Variants in THUMPD1 observed in about 807,000 individuals in gnomAD.
The protein encoded by THUMPD1 is THUMP domain-containing protein 1.
Under a neutral mutation model 31.6 loss-of-function variants are expected in THUMPD1, and 31 were observed. The observed-to-expected ratio is 0.98, with a 90% CI of 0.74 to 1.32. The LOEUF is 1.32. Among genes scored for constraint, THUMPD1 ranks in the 40% most tolerant of loss-of-function variants. The pLI is 0.00. For missense variants in THUMPD1, 446 were observed against 427.8 expected, an observed-to-expected ratio of 1.04 and a Z score of -0.38; for synonymous variants, 166 against 158.2, an observed-to-expected ratio of 1.05 and a Z score of -0.37.
chr16:20,740,086 C>G (rs908486095), intron 1 of THUMPD1, among the ~76,000 whole-genome samples: 2 of 152,112 alleles, frequency 1.3e-5, no homozygotes, highest in African/African-American at 4.8e-5. Context: ...GAACAAGGCA[C>G]AGAAATACAT....
rs2079856512 is a variant in THUMPD1, at chr16:20,734,929, G to C, written c.*1951C>G. The C allele has an allele frequency of 6.6e-6, 1 of 152,198 alleles. No homozygotes were observed. Among genetic ancestry groups the C allele is most frequent in the Non-Finnish European group, 1.5e-5 (1 of 68,060 alleles). The allele number at this position is 152,198 out of a possible 1,614,324, so 9.4% of individuals were successfully genotyped here. On this transcript the variant is annotated 3_prime_UTR_variant, in exon 4 of 4. Transcript: ENST00000396083. ...AGGGTTCCTCATAGGTTATATACTA[G>C]TGCTGGGAAAAGGAGAGAAAATGCT...
rs1165760180 is a variant in THUMPD1 at position 20,741,526 on chromosome 16, T to C, written c.214A>G (p.Met72Val). 8 of 1,145,076 alleles carry C rather than the reference T, an allele frequency of 7.0e-6. No homozygotes were observed. Among genetic ancestry groups the C allele is most frequent in the East Asian group, 6.1e-5 (1 of 16,276 alleles). The allele number at this position is 1,145,076 out of a possible 1,614,324, so 70.9% of individuals were successfully genotyped here. A position where few individuals can be genotyped will look rare whatever the true frequency, so the allele number is the denominator to read the frequency against. The change falls in exon 1 of 4, where the codon ATG becomes GTG. Residue 72 changes from methionine (M) to valine (V), a missense_variant. Transcript: ENST00000396083. The stretch of plus-strand genomic sequence containing the variant: ...ACCGGTACCTTTTCTGGCCCATACA[T>C]GTCGTCGCCGTATTCGTTGAGGAGG... ...YSLLNEYGDD[M>V]YGPEKFTDKD...
rs2079867755 is a variant in THUMPD1 at position 20,736,232 on chromosome 16, G to A, written c.*648C>T. On this transcript the variant is annotated 3_prime_UTR_variant, in exon 4 of 4. Coordinates refer to ENST00000396083, the MANE Select transcript of THUMPD1 (RefSeq NM_017736.5). ...GTGTCCCTTGTTGCACTAGTATACT[G>A]AAGTATACTCAGAAGACTGAAGTTC... 1 of 152,160 alleles carries A rather than the reference G, an allele frequency of 6.6e-6. No individual in the cohort carries two copies. Among genetic ancestry groups the A allele is most frequent in the Non-Finnish European group, 1.5e-5 (1 of 68,100 alleles). The allele number at this position is 152,160 out of a possible 1,614,324, so 9.4% of individuals were successfully genotyped here. A position where few individuals can be genotyped will look rare whatever the true frequency, so the allele number is the denominator to read the frequency against.
chr16:20,734,094 G>A lies in THUMPD1; in HGVS notation c.*2786C>T, dbSNP rs1183192654. The A allele has an allele frequency of 6.6e-6, 1 of 150,446 alleles. No individual in the cohort carries two copies. Among genetic ancestry groups the A allele is most frequent in the East Asian group, 2.0e-4 (1 of 5,062 alleles). 9.3% of individuals were successfully genotyped at this position (150,446 alleles called of 1,614,324 possible). A position where few individuals can be genotyped will look rare whatever the true frequency, so the allele number is the denominator to read the frequency against. ...GGAAAGAACAGCTTGTGTAACAACC[G>A]ATTCTTACCAAATACAAATAAATAT... is the stretch of plus-strand genomic sequence containing the variant. On this transcript the variant is annotated 3_prime_UTR_variant, in exon 4 of 4. Transcript: ENST00000396083.
In THUMPD1 at chr16:20,739,829, T is replaced by TA. The variant is rs66818518; in HGVS notation, c.232-759dup. Among the ~76,000 whole-genome samples, 1,316 of 140,076 alleles carry TA rather than the reference T, an allele frequency of 9.4e-3. 12 individuals are homozygous for TA. The highest frequency in any genetic ancestry group is 0.022 in the African/African-American group (793 of 36,830). The allele number at this position is 140,076 out of a possible 152,430, so 91.9% of individuals were successfully genotyped here. A position where few individuals can be genotyped will look rare whatever the true frequency, so the allele number is the denominator to read the frequency against. On this transcript the variant is annotated intron_variant, in intron 1 of 3. Transcript: ENST00000396083. ...GAGCAAGACTCTGTCTCAAAAAAAT[T>TA]AAAAAAAAAAAAAAAATGTGGAGGA...
rs2079861373 is a variant in THUMPD1, at chr16:20,735,491, T to G, written c.*1389A>C. The G allele has an allele frequency of 6.6e-6, 1 of 151,976 alleles. No individual in the cohort carries two copies. Among genetic ancestry groups the G allele is most frequent in the Admixed American group, 6.6e-5 (1 of 15,264 alleles). The allele number at this position is 151,976 out of a possible 1,614,324, so 9.4% of individuals were successfully genotyped here. On this transcript the variant is annotated 3_prime_UTR_variant, in exon 4 of 4. Coordinates refer to ENST00000396083, the MANE Select transcript of THUMPD1 (RefSeq NM_017736.5). ...CAAGTTTTTGATATCAGCATCTCTGTGGAGAAAGCAGTGTGCTATAATGTC... is the reference window on the plus strand; with the variant it reads ...CAAGTTTTTGATATCAGCATCTCTGGGGAGAAAGCAGTGTGCTATAATGTC...
In THUMPD1 at chr16:20,741,816, G is replaced by A. The variant is rs996033081; in HGVS notation, c.-77C>T. On this transcript the variant is annotated 5_prime_UTR_variant, in exon 1 of 4. Transcript: ENST00000396083. ...TCCTCGTCTATCGCCGGCGCGAACTGGTGACGTCGGATATGAGCGACGGCC... is the reference window on the plus strand; with the variant it reads ...TCCTCGTCTATCGCCGGCGCGAACTAGTGACGTCGGATATGAGCGACGGCC... The A allele has an allele frequency of 3.2e-5, 50 of 1,542,086 alleles. No individual in the cohort carries two copies. The highest frequency in any genetic ancestry group is 3.9e-5 in the Non-Finnish European group (45 of 1,146,842).
chr16:20,739,041 T>C lies in THUMPD1; in HGVS notation c.262A>G (p.Ser88Gly), dbSNP rs530989701. 6.2e-7 allele frequency: 1 copy of C among 1,614,184 alleles called. No individual in the cohort carries two copies. Among genetic ancestry groups the C allele is most frequent in the African/African-American group, 1.3e-5 (1 of 75,048 alleles). Residue 88 changes from serine to glycine, a missense_variant, in exon 2 of 4, where the codon AGT (serine) becomes GGT (glycine). Physicochemically the swap from Ser to Gly is moderately conservative, Grantham distance 56. Coordinates refer to ENST00000396083, the MANE Select transcript of THUMPD1 (RefSeq NM_017736.5). ...TCCGCATCATCATCCTCTCCCTCACTTCCAGAGGGCTGCTGATCCTTGTCT... is the reference window on the plus strand; with the variant it reads ...TCCGCATCATCATCCTCTCCCTCACCTCCAGAGGGCTGCTGATCCTTGTCT... ...FTDKDQQPSGSEGEDDDAEAA... is the reference protein window; with the variant it reads ...FTDKDQQPSGGEGEDDDAEAA...
At position 20,737,962 on chromosome 16, in the gene THUMPD1, G is replaced by GAA. The variant is rs751523219; in HGVS notation, c.407-8_407-7dup. ...ATGCACCAATTTCTCAGGCTCTTAAGAAAAAAAAAAAGTTAAGAAGATAAT... is the reference window on the plus strand; with the variant it reads ...ATGCACCAATTTCTCAGGCTCTTAAGAAAAAAAAAAAAAGTTAAGAAGATAAT... On this transcript the variant is annotated splice_region_variant and splice_polypyrimidine_tract_variant and intron_variant, in intron 2 of 3. Transcript: ENST00000396083. The GAA allele has an allele frequency of 7.9e-5, 99 of 1,251,338 alleles. No homozygotes were observed. Among genetic ancestry groups the GAA allele is most frequent in the South Asian group, 2.6e-4 (16 of 62,308 alleles). 77.5% of individuals were successfully genotyped at this position (1,251,338 alleles called of 1,614,324 possible). A position where few individuals can be genotyped will look rare whatever the true frequency, so the allele number is the denominator to read the frequency against.
Position 20,737,040 on chromosome 16 carries a change from G to A in THUMPD1, c.902C>T (p.Ala301Val). ...TACCTGCTGGTTATTTTTTCCTTCT[G>A]CTGTGTTGTTTTGGTCTGATTTGTC... ...SADKSDQNNT[A>V]EGKNNQQVPE... Residue 301 changes from alanine (A) to valine (V), a missense_variant, in exon 4 of 4, where the codon GCA (alanine) becomes GTA (valine). Ala to Val is a moderately conservative substitution (Grantham distance 64). Transcript: ENST00000396083. The A allele has an allele frequency of 6.2e-7, 1 of 1,614,028 alleles. No individual in the cohort carries two copies. The highest frequency in any genetic ancestry group is 8.5e-7 in the Non-Finnish European group (1 of 1,179,998).
At chr16:20,739,641 T>C (rs1177037584) in intron 1 of THUMPD1, among the ~76,000 whole-genome samples, 2 of 151,718 alleles carry the variant, frequency 1.3e-5, no homozygotes, top group Admixed American at 6.6e-5. Flanking sequence ...GCCAACATGG[T>C]GAAACCTTGT....
intron 1 of THUMPD1, among the ~76,000 whole-genome samples, chr16:20,739,492 C>CT (rs756683881): frequency 2.0e-5 from 3 of 152,004 alleles, no homozygotes; most frequent in East Asian, 3.9e-4. Flanking sequence ...GATAATAAAG[C>CT]TTTTTTTACG....
At position 20,734,330 on chromosome 16, in the gene THUMPD1, A is replaced by G. The variant is rs1460272800; in HGVS notation, c.*2550T>C. ...AAGGCACCAAAATCCTATCCTCCCT[A>G]TTCCCCTAACTGATATTAATAATCC... On this transcript the variant is annotated 3_prime_UTR_variant, in exon 4 of 4. Transcript: ENST00000396083. 6.6e-6 allele frequency: 1 copy of G among 152,564 alleles called. No individual in the cohort carries two copies. The highest frequency in any genetic ancestry group is 1.5e-5 in the Non-Finnish European group (1 of 68,006). 9.5% of individuals were successfully genotyped at this position (152,564 alleles called of 1,614,324 possible).
At chr16:20,741,481 G>GGGGGGGGGGGGGCGCGCCCC in intron 1 of THUMPD1, 28 bp downstream of exon 1, 1 of 1,308,414 alleles carries the variant, frequency 7.6e-7, no homozygotes, top group Non-Finnish European at 9.9e-7. Flanking sequence ...CTGGCAGCCG[G>GGGGGGGGGGGGGCGCGCCCC]CCCGCCCGCC....
chr16:20,741,453 T>G, intron 1 of THUMPD1, 56 bp downstream of exon 1: 2 of 1,473,576 alleles, frequency 1.4e-6, no homozygotes, highest in Non-Finnish European at 1.8e-6. Context: ...CCTCCACCCT[T>G]CCCTCCTCCC....
chr16:20,741,016 G>A (rs903536529), intron 1 of THUMPD1, among the ~76,000 whole-genome samples: 7 of 152,142 alleles, frequency 4.6e-5, no homozygotes, highest in Non-Finnish European at 1.0e-4. Context: ...TGTAATCTCA[G>A]CACCTTGAGA....
intron 3 of THUMPD1, 116 bp downstream of exon 3, chr16:20,737,592 A>T: frequency 9.6e-7 from 1 of 1,041,320 alleles, no homozygotes; most frequent in Non-Finnish European, 1.3e-6. Flanking sequence ...AGAACATTTT[A>T]ATATATTTGT....
chr16:20,740,705 C>A (rs1387150875), intron 1 of THUMPD1, among the ~76,000 whole-genome samples: 2 of 152,110 alleles, frequency 1.3e-5, no homozygotes, highest in African/African-American at 4.8e-5. Context: ...TCATTTAATC[C>A]CTCAGTGTGC....
At chr16:20,741,449 C>A in intron 1 of THUMPD1, 60 bp downstream of exon 1, 1 of 1,472,646 alleles carries the variant, frequency 6.8e-7, no homozygotes, top group South Asian at 1.4e-5. Flanking sequence ...CATCCCTCCA[C>A]CCTTCCCTCC....
Sources: allele counts gnomAD v4.1 joint callset (sites outside exome capture counted in the v4.1 genomes callset), GRCh38; gene constraint gnomAD v4.1.1; transcripts MANE v1.5; gene names NCBI Gene and HGNC (gene_info 2026-07-23, HGNC 2026-07-21).